The following PCDHA8 variants were observed in gnomAD, a reference collection of about 807,000 sequenced individuals.
The protein encoded by PCDHA8 is protocadherin alpha 8, also known as protocadherin alpha-8.
A neutral mutation model predicts 61.8 loss-of-function variants in PCDHA8; 53 were observed. The ratio of observed to expected loss-of-function variants is 0.86; its 90% CI spans 0.69 to 1.08. PCDHA8 has a LOEUF of 1.08. Ranked by LOEUF, PCDHA8 falls within the 50% of genes least tolerant of loss-of-function variation. The probability of loss-of-function intolerance (pLI) is 0.00; values close to 1 mark genes in which losing one functional copy is unlikely to be tolerated. For synonymous variants in PCDHA8, 618 were observed against 556.6 expected (o/e 1.11, Z -1.55); for missense variants, 1,293 against 1,245.0 (o/e 1.04, Z -0.58).
At chr5:140,863,208 C>A in intron 1 of PCDHA8, 2 of 990,672 alleles carry the variant, frequency 2.0e-6, no homozygotes, top group Non-Finnish European at 3.1e-6. Flanking sequence ...TGGCGGAGAG[C>A]AGCCAAGCGA....
At chr5:140,976,782 A>G (rs1209900673) in intron 1 of PCDHA8, among the ~76,000 whole-genome samples, 1 of 152,212 alleles carries the variant, frequency 6.6e-6, no homozygotes, top group African/African-American at 2.4e-5. Flanking sequence ...CTGACTATAT[A>G]GCTACGCTTT....
At chr5:140,997,993 C>T (rs1356544638) in intron 3 of PCDHA8, among the ~76,000 whole-genome samples, 1 of 152,082 alleles carries the variant, frequency 6.6e-6, no homozygotes, top group Non-Finnish European at 1.5e-5. Flanking sequence ...TACATACTTC[C>T]CTCTGAGCCT....
Position 140,884,512 on chromosome 5 carries a change from G to A in PCDHA8, c.2394+40797G>A, listed in dbSNP as rs782026771. 4.3e-5 allele frequency: 70 copies of A among 1,614,202 alleles called. No individual in the cohort carries two copies. The Middle Eastern group carries it at 4.9e-4, about 11-fold the overall frequency. ...TGTGCTCCAGCGCGGCAGGGAGTTG[G>A]TCGTACTCGCAGCAGAGGCGGCCGA... is the stretch of plus-strand genomic sequence containing the variant. On this transcript the variant is annotated intron_variant, in intron 1 of 3. Transcript: ENST00000531613.
At chr5:140,966,447 C>G (rs373859357) in intron 1 of PCDHA8, 3 of 425,206 alleles carry the variant, frequency 7.1e-6, no homozygotes, top group Non-Finnish European at 8.2e-6. Flanking sequence ...CTCCCTTTCC[C>G]CCTCCCCCTC....
intron 1 of PCDHA8, chr5:140,882,607 T>G (rs1313419888): frequency 6.8e-6 from 11 of 1,614,124 alleles, no homozygotes; most frequent in East Asian, 2.2e-5. Flanking sequence ...TGGACAGGCC[T>G]CTGCAGGTTT....
intron 3 of PCDHA8, among the ~76,000 whole-genome samples, chr5:141,002,135 G>C (rs1265359430): frequency 2.6e-5 from 4 of 152,236 alleles, no homozygotes; most frequent in Admixed American, 2.6e-4. Flanking sequence ...AGCCTTTGCC[G>C]GCTGCACTGA....
At chr5:140,997,466 T>G (rs2097771241) in intron 3 of PCDHA8, among the ~76,000 whole-genome samples, 2 of 152,186 alleles carry the variant, frequency 1.3e-5, no homozygotes, top group Admixed American at 1.3e-4. Context: ...CTGTAGGCAA[T>G]TTTTACACAA....
At chr5:140,844,657 C>G (rs1252310311) in intron 1 of PCDHA8, among the ~76,000 whole-genome samples, 1 of 149,150 alleles carries the variant, frequency 6.7e-6, no homozygotes, top group South Asian at 2.1e-4. Context: ...TCTTGCAAAC[C>G]AAACATATAA....
chr5:140,881,220 G>A (rs1437715335), intron 1 of PCDHA8: 1 of 247,310 alleles, frequency 4.0e-6, no homozygotes, highest in Non-Finnish European at 6.5e-6. Context: ...TTGTTTCTTG[G>A]AAAATTAAAG....
intron 1 of PCDHA8, chr5:140,883,940 G>T: frequency 6.2e-7 from 1 of 1,613,412 alleles, no homozygotes; most frequent in Non-Finnish European, 8.5e-7. Flanking sequence ...CGTGCTGGAC[G>T]AGAACGACAA....
At chr5:140,954,526 G>A (rs2095049912) in intron 1 of PCDHA8, among the ~76,000 whole-genome samples, 1 of 152,184 alleles carries the variant, frequency 6.6e-6, no homozygotes, top group Admixed American at 6.5e-5. Flanking sequence ...GATCAGTGAT[G>A]TTGAGGTTTT....
intron 1 of PCDHA8, chr5:140,882,573 G>A (rs2059201802): frequency 2.5e-6 from 4 of 1,614,234 alleles, no homozygotes; most frequent in Non-Finnish European, 3.4e-6. Flanking sequence ...AGCGCGGAGT[G>A]CAGCATCCAC....
rs1222255074 is a variant in PCDHA8 at position 141,012,119 on chromosome 5, A to G, written c.*2182A>G. ...CATTTTGCCCCACTGAAGCCCATGT[A>G]TCTGACCTTACGTGCCTTTTGAACT... On this transcript the variant is annotated 3_prime_UTR_variant, in exon 4 of 4. Coordinates refer to ENST00000531613, the MANE Select transcript of PCDHA8 (RefSeq NM_018911.3). 6.5e-6 allele frequency: 1 copy of G among 153,734 alleles called. No individual in the cohort carries two copies. Among genetic ancestry groups the G allele is most frequent in the African/African-American group, 2.4e-5 (1 of 41,454 alleles). 9.5% of individuals were successfully genotyped at this position (153,734 alleles called of 1,614,324 possible). A position where few individuals can be genotyped will look rare whatever the true frequency, so the allele number is the denominator to read the frequency against.
chr5:140,881,398 AT>A (rs1269168835), intron 1 of PCDHA8: 1 of 975,426 alleles, frequency 1.0e-6, no homozygotes, highest in Non-Finnish European at 1.2e-6. Context: ...GTTAAATTCT[AT>A]TAAATCAATA....
intron 1 of PCDHA8, chr5:140,877,604 T>C: frequency 6.2e-7 from 1 of 1,613,886 alleles, no homozygotes. Flanking sequence ...TCCAGCCTGC[T>C]GGTGCTCACG....
chr5:140,974,221 T>A (rs75147433), intron 1 of PCDHA8, among the ~76,000 whole-genome samples: 1,739 of 152,246 alleles, frequency 0.011, 25 homozygotes, highest in Non-Finnish European at 0.017. Context: ...TAAAGAGAAA[T>A]CTTAGTTCCT....
intron 1 of PCDHA8, among the ~76,000 whole-genome samples, chr5:140,965,769 A>G (rs571022357): frequency 2.0e-5 from 3 of 152,376 alleles, no homozygotes; most frequent in Admixed American, 2.0e-4. Flanking sequence ...GTCAAATAAT[A>G]GATTTGCCTA....
At chr5:140,984,566 C>T (rs899278255) in intron 3 of PCDHA8, among the ~76,000 whole-genome samples, 4 of 152,124 alleles carry the variant, frequency 2.6e-5, no homozygotes, top group Non-Finnish European at 5.9e-5. Context: ...TCCAACTACT[C>T]CATGGCAACC....
chr5:140,955,452 G>A (rs921510611), intron 1 of PCDHA8, among the ~76,000 whole-genome samples: 1 of 152,024 alleles, frequency 6.6e-6, no homozygotes, highest in African/African-American at 2.4e-5. Flanking sequence ...TTTTATAAGG[G>A]CTTTTTCCTT....
Sources: gnomAD v4.1 joint callset for allele counts (sites outside exome capture counted in the v4.1 genomes callset) on GRCh38, gnomAD v4.1.1 for gene constraint, MANE v1.5 for transcripts, NCBI Gene and HGNC (gene_info 2026-07-23, HGNC 2026-07-21) for gene names.